Variants in PHTF2 observed in about 807,000 individuals in gnomAD.
PHTF2 encodes the protein protein PHTF2.
PHTF2 carries 60 observed loss-of-function variants against 101.2 expected under a neutral mutation model. The ratio of observed to expected loss-of-function variants is 0.59; its 90% CI spans 0.48 to 0.73. PHTF2 has a LOEUF of 0.73. Ranked by LOEUF, PHTF2 falls within the 30% of genes least tolerant of loss-of-function variation. The pLI is 0.00. For synonymous variants in PHTF2, 311 were observed against 307.3 expected (o/e 1.01, Z -0.13); for missense variants, 747 against 908.7 (o/e 0.82, Z 2.29).
rs1562982838 is a variant in PHTF2 at position 77,954,632 on chromosome 7, A to ATATATATG, written c.2338-219_2338-218insGTATATAT. ...ACTGTGTATATATATATATATATATATATATATATATATAGCCACTTCTCA... is the reference window on the plus strand; with the variant it reads ...ACTGTGTATATATATATATATATATATATATATGTATATATATATATAGCCACTTCTCA... On this transcript the variant is annotated intron_variant, in intron 19 of 19. Transcript: ENST00000416283. Among the ~76,000 whole-genome samples, 107 of 145,314 alleles carry ATATATATG rather than the reference A, an allele frequency of 7.4e-4. 1 individual carries two copies. Among genetic ancestry groups the ATATATATG allele is most frequent in the African/African-American group, 2.6e-3 (105 of 39,798 alleles).
At chr7:77,903,932 T>G (rs147720133) in intron 7 of PHTF2, among the ~76,000 whole-genome samples, 1 of 152,362 alleles carries the variant, frequency 6.6e-6, no homozygotes, top group East Asian at 1.9e-4. Flanking sequence ...ATGTATAGTT[T>G]TTTTTATTTC....
chr7:77,901,998 T>C (rs1584651112), intron 7 of PHTF2, 78 bp downstream of exon 6: 1 of 713,730 alleles, frequency 1.4e-6, no homozygotes, highest in East Asian at 2.9e-5. Flanking sequence ...TTTAAACATA[T>C]GCTAACTACT....
chr7:77,921,987 C>T (rs141588685), intron 10 of PHTF2, among the ~76,000 whole-genome samples: 11 of 137,270 alleles, frequency 8.0e-5, no homozygotes, highest in Admixed American at 7.9e-4. Context: ...TTTAAGTGGT[C>T]TCTGTTCTGC....
chr7:77,953,642 C>T, intron 18 of PHTF2, 127 bp from the exon 18 acceptor site: 2 of 678,896 alleles, frequency 2.9e-6, no homozygotes, highest in Non-Finnish European at 4.7e-6. Flanking sequence ...CAAGTTTATC[C>T]TTTCTAAAAG....
At chr7:77,834,429 G>C (rs1038282029) in intron 1 of PHTF2, among the ~76,000 whole-genome samples, 2 of 151,230 alleles carry the variant, frequency 1.3e-5, no homozygotes, top group African/African-American at 4.9e-5. Context: ...ATTGTTCTTT[G>C]TATCACAAAT....
At chr7:77,916,792 CATT>C in intron 9 of PHTF2, among the ~76,000 whole-genome samples, 1 of 152,102 alleles carries the variant, frequency 6.6e-6, no homozygotes, top group East Asian at 1.9e-4. Context: ...TTATGTAAAT[CATT>C]ATTATACTGT....
At chr7:77,850,077 A>C (rs1796617571) in intron 2 of PHTF2, among the ~76,000 whole-genome samples, 1 of 151,842 alleles carries the variant, frequency 6.6e-6, no homozygotes, top group Admixed American at 6.6e-5. Flanking sequence ...GTGGCTGGGC[A>C]TGGTGGATCA....
At chr7:77,949,686 T>C (rs1331461990) in exon 17 of PHTF2, 5 of 1,562,610 alleles carry the variant, frequency 3.2e-6, no homozygotes, top group Non-Finnish European at 2.6e-6. Context: ...AGCTACTTCA[T>C]GTACACGAGA....
intron 5 of PHTF2, among the ~76,000 whole-genome samples, chr7:77,897,451 TATTA>T (rs1226576068): frequency 1.3e-5 from 2 of 151,720 alleles, no homozygotes; most frequent in Non-Finnish European, 1.5e-5. Flanking sequence ...TATTATTGGA[TATTA>T]ATTGCATTTG....
At chr7:77,945,134 G>A (rs185344820) in intron 16 of PHTF2, among the ~76,000 whole-genome samples, 56 of 152,308 alleles carry the variant, frequency 3.7e-4, no homozygotes, top group South Asian at 4.1e-4. Context: ...GAGGTCAGGA[G>A]TTCGCAAGCA....
At chr7:77,902,756 T>C (rs1451428942) in intron 7 of PHTF2, among the ~76,000 whole-genome samples, 1 of 152,208 alleles carries the variant, frequency 6.6e-6, no homozygotes, top group Non-Finnish European at 1.5e-5. Context: ...GAATGATTAT[T>C]TAAATTTGTT....
intron 16 of PHTF2, among the ~76,000 whole-genome samples, chr7:77,944,787 A>G (rs1230127995): frequency 2.0e-5 from 3 of 152,246 alleles, no homozygotes; most frequent in Admixed American, 6.5e-5. Context: ...AAAAGAACAG[A>G]TAAGTTTGAA....
chr7:77,823,442 A>G (rs545699666), intron 1 of PHTF2, among the ~76,000 whole-genome samples: 1 of 152,014 alleles, frequency 6.6e-6, no homozygotes, highest in South Asian at 2.1e-4. Context: ...GATGGTCTCG[A>G]TGTCTTGACC....
intron 11 of PHTF2, among the ~76,000 whole-genome samples, chr7:77,926,127 AT>A: frequency 6.6e-6 from 1 of 152,250 alleles, no homozygotes; most frequent in African/African-American, 2.4e-5. Flanking sequence ...AATTATAGAT[AT>A]TTTCTTAATC....
At chr7:77,865,949 G>A (rs564704634) in intron 3 of PHTF2, among the ~76,000 whole-genome samples, 9 of 152,038 alleles carry the variant, frequency 5.9e-5, no homozygotes, top group East Asian at 1.9e-4. Context: ...TTTGGGAGGC[G>A]AAGGCGGGCA....
intron 8 of PHTF2, 148 bp from the exon 8 acceptor site, chr7:77,910,097 G>C: frequency 1.7e-6 from 1 of 598,580 alleles, no homozygotes; most frequent in South Asian, 2.5e-5. Flanking sequence ...ATGATATTTG[G>C]ATTAAATTTT....
At position 77,863,717 on chromosome 7, in the gene PHTF2, G is replaced by A. The variant is rs1159391097; in HGVS notation, c.147+8883G>A. Among the ~76,000 whole-genome samples the A allele has an allele frequency of 3.4e-5, 5 of 149,188 alleles. No homozygotes were observed. In the East Asian group the frequency reaches 7.9e-4, roughly 23 times the overall value. On this transcript the variant is annotated intron_variant, in intron 3 of 19. Coordinates refer to ENST00000416283, the Ensembl canonical transcript of PHTF2. ...AATCATGTCCTGATAGGATTTACAC[G>A]CATTTATGTTTAAATAACATTTATG...
At chr7:77,829,463 TGTG>T (rs1419224409) in intron 1 of PHTF2, among the ~76,000 whole-genome samples, 4 of 152,182 alleles carry the variant, frequency 2.6e-5, no homozygotes, top group Admixed American at 6.5e-5. Context: ...CCATAAAACG[TGTG>T]GTGTTTATTC....
chr7:77,877,858 T>C (rs1268664801), intron 3 of PHTF2, among the ~76,000 whole-genome samples: 1 of 152,224 alleles, frequency 6.6e-6, no homozygotes, highest in Non-Finnish European at 1.5e-5. Flanking sequence ...CTCAGCCGTC[T>C]GTCTCTGTTT....
Sources: allele counts gnomAD v4.1 joint callset (sites outside exome capture counted in the v4.1 genomes callset), GRCh38; gene constraint gnomAD v4.1.1; transcripts MANE v1.5; gene names NCBI Gene and HGNC (gene_info 2026-07-23, HGNC 2026-07-21).